The following ROBO1 variants were observed in gnomAD, a reference collection of about 807,000 sequenced individuals.
ROBO1 encodes roundabout guidance receptor 1, also known as roundabout homolog 1.
Under a neutral mutation model 195.9 loss-of-function variants are expected in ROBO1, and 149 were observed. That is an observed-to-expected ratio of 0.76 (90% CI 0.67 to 0.87). ROBO1 has a LOEUF of 0.87. Ranked by LOEUF, ROBO1 falls within the 40% of genes least tolerant of loss-of-function variation. ROBO1 has a pLI of 0.00. For missense variants in ROBO1, 1,933 were observed against 2,068.3 expected (o/e 0.93, Z 1.27); for synonymous variants, 816 against 733.2 (o/e 1.11, Z -1.82).
At chr3:78,892,455 A>G (rs112435550) in intron 4 of ROBO1, among the ~76,000 whole-genome samples, 20 of 152,320 alleles carry the variant, frequency 1.3e-4, no homozygotes, top group African/African-American at 4.6e-4. Context: ...TGGGCAAGTG[A>G]TGTAATCACT....
At chr3:78,752,780 C>G (rs765022010) in intron 4 of ROBO1, among the ~76,000 whole-genome samples, 2 of 152,150 alleles carry the variant, frequency 1.3e-5, no homozygotes, top group Admixed American at 6.5e-5. Flanking sequence ...AAAAAAGATG[C>G]ATGTGAACAT....
At chr3:79,163,983 C>T (rs1010223046) in intron 2 of ROBO1, among the ~76,000 whole-genome samples, 2 of 152,126 alleles carry the variant, frequency 1.3e-5, no homozygotes, top group East Asian at 1.9e-4. Context: ...TAAAAATGTA[C>T]CAGTAAGATC....
chr3:78,792,355 CTGTTA>C (rs1286141019), intron 4 of ROBO1, among the ~76,000 whole-genome samples: 1 of 152,172 alleles, frequency 6.6e-6, no homozygotes, highest in East Asian at 1.9e-4. Context: ...ATTCTTGCAA[CTGTTA>C]TGAGTTTTAA....
intron 21 of ROBO1, 93 bp downstream of exon 21, chr3:78,646,055 A>G (rs1706262085): frequency 7.1e-6 from 8 of 1,122,066 alleles, no homozygotes; most frequent in Non-Finnish European, 9.4e-6. Flanking sequence ...CCTTTAAGTT[A>G]GACTTTTTAA....
chr3:79,141,326 A>G (rs2080520330), intron 2 of ROBO1, among the ~76,000 whole-genome samples: 2 of 152,112 alleles, frequency 1.3e-5, no homozygotes, highest in African/African-American at 4.8e-5. Context: ...TAAAGGGACA[A>G]ATTTCCTCTA....
intron 3 of ROBO1, among the ~76,000 whole-genome samples, chr3:79,084,112 G>T (rs1442709597): frequency 6.6e-6 from 1 of 152,200 alleles, no homozygotes; most frequent in Non-Finnish European, 1.5e-5. Context: ...AGTTTAGACA[G>T]TTGCTAGATT....
chr3:79,195,010 A>T (rs1004174163), intron 2 of ROBO1, among the ~76,000 whole-genome samples: 6 of 151,696 alleles, frequency 4.0e-5, no homozygotes, highest in Non-Finnish European at 8.9e-5. Context: ...CAGGTAGCCC[A>T]TGGAGTCTCT....
chr3:79,602,181 C>T (rs1037323992), intron 1 of ROBO1, among the ~76,000 whole-genome samples: 3 of 151,644 alleles, frequency 2.0e-5, no homozygotes, highest in Non-Finnish European at 4.4e-5. Flanking sequence ...AGGGTGAGGA[C>T]GAAAGGAACA....
At position 79,622,382 on chromosome 3, in the gene ROBO1, G is replaced by C. The variant is rs367690782; in HGVS notation, c.-50-32421C>G. Among the ~76,000 whole-genome samples the C allele has an allele frequency of 6.6e-5, 10 of 152,298 alleles. 1 individual carries two copies. Among genetic ancestry groups the C allele is most frequent in the African/African-American group, 2.4e-4 (10 of 41,576 alleles). ...CTGTCTAAGCTTTTGGAACTCCTTG[G>C]GGGAGGGGTAGCAGCTGGTACTGGG... On this transcript the variant is annotated intron_variant, in intron 1 of 30. Transcript: ENST00000464233.
chr3:78,821,308 G>A (rs1194605454), intron 4 of ROBO1, among the ~76,000 whole-genome samples: 1 of 151,796 alleles, frequency 6.6e-6, no homozygotes, highest in Non-Finnish European at 1.5e-5. Flanking sequence ...TGGGATTACA[G>A]GTGTGTACCA....
At chr3:79,247,469 C>T (rs893372893) in intron 2 of ROBO1, among the ~76,000 whole-genome samples, 1 of 151,462 alleles carries the variant, frequency 6.6e-6, no homozygotes. Flanking sequence ...CAATTGACCT[C>T]GAAAAGGTAT....
chr3:78,726,948 G>A (rs562908344), intron 5 of ROBO1, among the ~76,000 whole-genome samples: 2 of 152,280 alleles, frequency 1.3e-5, no homozygotes, highest in South Asian at 2.1e-4. Flanking sequence ...TGAGGAGGGT[G>A]CAGAGAATAG....
At chr3:78,943,603 A>G (rs940500075) in intron 3 of ROBO1, among the ~76,000 whole-genome samples, 1 of 152,222 alleles carries the variant, frequency 6.6e-6, no homozygotes, top group Admixed American at 6.5e-5. Context: ...TTAGTCTGCT[A>G]AGGCATACTA....
At chr3:78,966,609 A>T (rs1193614811) in intron 3 of ROBO1, among the ~76,000 whole-genome samples, 1 of 152,192 alleles carries the variant, frequency 6.6e-6, no homozygotes, top group Non-Finnish European at 1.5e-5. Flanking sequence ...GTTTTCTCTA[A>T]CAGGAAATAG....
At chr3:79,658,918 G>T (rs2106808664) in intron 1 of ROBO1, among the ~76,000 whole-genome samples, 1 of 151,934 alleles carries the variant, frequency 6.6e-6, no homozygotes, top group African/African-American at 2.4e-5. Context: ...TGTATTTTTA[G>T]TAGAGATGGG....
intron 4 of ROBO1, among the ~76,000 whole-genome samples, chr3:78,870,187 T>C (rs2107133125): frequency 6.6e-6 from 1 of 152,292 alleles, no homozygotes; most frequent in Middle Eastern, 3.4e-3. Context: ...GTATACCACC[T>C]TTGTCTCTCT....
chr3:78,836,389 GTAGTCC>G (rs1559907211), intron 4 of ROBO1, among the ~76,000 whole-genome samples: 1 of 151,412 alleles, frequency 6.6e-6, no homozygotes, highest in Non-Finnish European at 1.5e-5. Flanking sequence ...GCGGGTGCCT[GTAGTCC>G]CAGCTACTCG....
intron 1 of ROBO1, among the ~76,000 whole-genome samples, chr3:79,736,143 TAAG>T (rs1347769317): frequency 6.6e-6 from 1 of 152,160 alleles, no homozygotes; most frequent in Non-Finnish European, 1.5e-5. Flanking sequence ...ATCTGAATGA[TAAG>T]AAAAACCATC....
chr3:78,803,900 T>C (rs1266068697), intron 4 of ROBO1, among the ~76,000 whole-genome samples: 2 of 152,180 alleles, frequency 1.3e-5, no homozygotes, highest in African/African-American at 4.8e-5. Flanking sequence ...TATGTGTATA[T>C]TATAAAAGAT....
Sources: gnomAD v4.1 joint callset for allele counts (sites outside exome capture counted in the v4.1 genomes callset) on GRCh38, gnomAD v4.1.1 for gene constraint, MANE v1.5 for transcripts, NCBI Gene and HGNC (gene_info 2026-07-23, HGNC 2026-07-21) for gene names.